APP: variants seen among roughly 807,000 people sequenced by gnomAD.
APP encodes amyloid-beta precursor protein.
Under a neutral mutation model 101.4 loss-of-function variants are expected in APP, and 31 were observed. The ratio of observed to expected loss-of-function variants is 0.31; its 90% CI spans 0.23 to 0.41. The LOEUF is 0.41. APP is among the 10% of genes least tolerant of loss of function. The probability of loss-of-function intolerance (pLI) is 1.00; values close to 1 mark genes in which losing one functional copy is unlikely to be tolerated. For missense variants in APP, 839 were observed against 1,003.7 expected (o/e 0.84, Z 2.22); for synonymous variants, 366 against 364.4 (o/e 1.00, Z -0.05).
intron 6 of APP, among the ~76,000 whole-genome samples, chr21:26,018,121 C>G (rs978492813): frequency 1.3e-5 from 2 of 152,150 alleles, no homozygotes; most frequent in Non-Finnish European, 2.9e-5. Flanking sequence ...ATTATGACTA[C>G]GCTAAAAGTG....
intron 2 of APP, among the ~76,000 whole-genome samples, chr21:26,105,525 T>TA (rs150438417): frequency 2.1e-3 from 315 of 146,672 alleles, no homozygotes; most frequent in Non-Finnish European, 3.3e-3. Flanking sequence ...AACATGAAGT[T>TA]AAAAAAAAAA....
At chr21:26,145,550 A>C (rs2063136643) in intron 1 of APP, among the ~76,000 whole-genome samples, 1 of 152,042 alleles carries the variant, frequency 6.6e-6, no homozygotes, top group Non-Finnish European at 1.5e-5. Context: ...GGTTCCTAGC[A>C]GGCCATGGAC....
chr21:26,108,490 G>A (rs1355000208), intron 2 of APP, among the ~76,000 whole-genome samples: 2 of 152,172 alleles, frequency 1.3e-5, no homozygotes, highest in East Asian at 3.8e-4. Flanking sequence ...GCTGCAGCAT[G>A]GCAGTCTCTG....
intron 11 of APP, among the ~76,000 whole-genome samples, chr21:25,967,934 T>C (rs2041857809): frequency 6.6e-6 from 1 of 152,154 alleles, no homozygotes; most frequent in African/African-American, 2.4e-5. Context: ...GGAGAGGCAT[T>C]TAATTCTTCC....
intron 3 of APP, among the ~76,000 whole-genome samples, chr21:26,078,418 T>C (rs2146065459): frequency 6.6e-6 from 1 of 152,278 alleles, no homozygotes; most frequent in Admixed American, 6.5e-5. Context: ...ATGTCTAATA[T>C]ATTTTACATA....
chr21:25,931,051 T>C (rs1051372578), intron 13 of APP, among the ~76,000 whole-genome samples: 1 of 152,194 alleles, frequency 6.6e-6, no homozygotes, highest in Admixed American at 6.5e-5. Flanking sequence ...AGCCCCTCCC[T>C]CCCTGCCTGC....
chr21:26,113,819 T>C (rs1020387543), intron 1 of APP, among the ~76,000 whole-genome samples: 1 of 152,256 alleles, frequency 6.6e-6, no homozygotes, highest in Non-Finnish European at 1.5e-5. Flanking sequence ...GTCTTGATCT[T>C]AGAAATCGAA....
At chr21:25,915,481 C>T (rs1205084326) in intron 13 of APP, among the ~76,000 whole-genome samples, 1 of 152,330 alleles carries the variant, frequency 6.6e-6, no homozygotes, top group Admixed American at 6.5e-5. Context: ...CCATGTTCAG[C>T]CCCTATCTAT....
intron 6 of APP, among the ~76,000 whole-genome samples, chr21:26,004,272 A>ATTTTTT (rs2043417414): frequency 7.3e-6 from 1 of 136,800 alleles, no homozygotes; most frequent in Non-Finnish European, 1.6e-5. Flanking sequence ...CTTTGTATTA[A>ATTTTTT]TTCTTTTTTT....
At chr21:25,954,490 A>C (rs186985377) in intron 13 of APP, 100 bp downstream of exon 13, 1 of 1,068,714 alleles carries the variant, frequency 9.4e-7, no homozygotes, top group Admixed American at 2.0e-5. Flanking sequence ...AAGCTGTTCT[A>C]TTAACTTCCA....
At chr21:25,903,531 G>C (rs2038626174) in intron 15 of APP, among the ~76,000 whole-genome samples, 1 of 152,108 alleles carries the variant, frequency 6.6e-6, no homozygotes, top group Admixed American at 6.5e-5. Flanking sequence ...CGCTTTCTAA[G>C]TTACATTTTA....
chr21:25,899,801 A>G (rs1177800425), intron 15 of APP, among the ~76,000 whole-genome samples: 1 of 152,218 alleles, frequency 6.6e-6, no homozygotes, highest in African/African-American at 2.4e-5. Flanking sequence ...GCTACGTAGC[A>G]ATAGGTAACT....
chr21:26,066,728 TGA>T (rs2046469116), intron 3 of APP, among the ~76,000 whole-genome samples: 1 of 137,826 alleles, frequency 7.3e-6, no homozygotes, highest in Non-Finnish European at 1.6e-5. Context: ...ACTTAAGGAC[TGA>T]GCGCCTTTTC....
chr21:25,951,140 A>AG (rs11378041), intron 13 of APP, among the ~76,000 whole-genome samples: 152,279 of 152,280 alleles, frequency 1, 76,139 homozygotes, highest in Non-Finnish European at 1. Context: ...GGAAGATACA[A>AG]GGCCAGGGCC....
chr21:25,901,384 T>C (rs2038474855), intron 15 of APP, among the ~76,000 whole-genome samples: 1 of 114,910 alleles, frequency 8.7e-6, no homozygotes, highest in Non-Finnish European at 2.0e-5. Context: ...ATACTGTGAA[T>C]ACTTTTGGTG....
intron 1 of APP, among the ~76,000 whole-genome samples, chr21:26,117,677 G>A (rs1206166526): frequency 6.6e-6 from 1 of 152,166 alleles, no homozygotes; most frequent in Non-Finnish European, 1.5e-5. Flanking sequence ...TTGCCCCTGT[G>A]TGTGTGTGTG....
chr21:25,902,483 A>G (rs1158865821), intron 15 of APP, among the ~76,000 whole-genome samples: 2 of 146,242 alleles, frequency 1.4e-5, no homozygotes, highest in African/African-American at 2.5e-5. Context: ...CCTTAACTAG[A>G]ATCTTCCTCA....
At chr21:26,118,492 G>A (rs980007102) in intron 1 of APP, among the ~76,000 whole-genome samples, 1 of 152,096 alleles carries the variant, frequency 6.6e-6, no homozygotes, top group Admixed American at 6.5e-5. Flanking sequence ...GTGATGAAAT[G>A]AGCGAGATGT....
chr21:26,003,333 G>A (rs1435734902), intron 6 of APP, among the ~76,000 whole-genome samples: 1 of 152,194 alleles, frequency 6.6e-6, no homozygotes, highest in African/African-American at 2.4e-5. Context: ...TTTCATAAAG[G>A]CCAAGAAAAG....
Sources: gnomAD v4.1 joint callset for allele counts (sites outside exome capture counted in the v4.1 genomes callset) on GRCh38, gnomAD v4.1.1 for gene constraint, MANE v1.5 for transcripts, NCBI Gene and HGNC (gene_info 2026-07-23, HGNC 2026-07-21) for gene names.